CEP83: variants seen among roughly 807,000 people sequenced by gnomAD.
CEP83 encodes centrosomal protein 83, also known as centrosomal protein of 83 kDa.
A neutral mutation model predicts 101.9 loss-of-function variants in CEP83; 70 were observed. The ratio of observed to expected loss-of-function variants is 0.69; its 90% CI spans 0.57 to 0.84. The LOEUF (loss-of-function observed/expected upper bound fraction) is 0.84. Ranked by LOEUF, CEP83 falls within the 40% of genes least tolerant of loss-of-function variation. The pLI is 0.00. For synonymous variants in CEP83, 264 were observed against 267.9 expected, an observed-to-expected ratio of 0.99 and a Z score of 0.14; for missense variants, 715 against 787.2, an observed-to-expected ratio of 0.91 and a Z score of 1.10.
At chr12:94,273,979 A>G in the CEP83 span, among the ~76,000 whole-genome samples, 2 of 151,794 alleles carry the variant, frequency 1.3e-5, no homozygotes, top group Non-Finnish European at 2.9e-5. Context: ...CATCCTAGTC[A>G]CAAGATGGCT....
At chr12:94,279,577 G>T in the CEP83 span, 3 of 1,614,214 alleles carry the variant, frequency 1.9e-6, no homozygotes, top group Non-Finnish European at 2.5e-6. Context: ...CCAAGCCAAA[G>T]AAAAGATTTT....
At chr12:94,267,944 T>C in the CEP83 span, among the ~76,000 whole-genome samples, 4 of 152,096 alleles carry the variant, frequency 2.6e-5, no homozygotes, top group Non-Finnish European at 5.9e-5. Flanking sequence ...GTTTATGTAA[T>C]TGAAAACCAA....
chr12:94,288,831 G>A, the CEP83 span, among the ~76,000 whole-genome samples: 34,486 of 152,204 alleles, frequency 0.23, 4,265 homozygotes, highest in Admixed American at 0.28. Context: ...CTGTTTTCAC[G>A]TAATATTGTT....
chr12:94,292,711 T>C, the CEP83 span, among the ~76,000 whole-genome samples: 1 of 152,240 alleles, frequency 6.6e-6, no homozygotes, highest in Non-Finnish European at 1.5e-5. Context: ...GGTAATTTTA[T>C]ATAATTTGTG....
intron 11 of CEP83, among the ~76,000 whole-genome samples, chr12:94,357,911 G>A (rs974049619): frequency 7.2e-5 from 11 of 152,166 alleles, no homozygotes; most frequent in African/African-American, 9.7e-5. Flanking sequence ...GAAATTAAAC[G>A]AACAGGAGGA....
In CEP83 at chr12:94,390,028, T is replaced by C. The variant is rs1009527874; in HGVS notation, c.549+10822A>G. On this transcript the variant is annotated intron_variant, in intron 6 of 16. Transcript: ENST00000397809. ...ACCTACTGCCTCTAGACACCACCTC[T>C]GTGGGTGGGGCATAGCTGAACAAAA... 2.6e-5 allele frequency among the ~76,000 whole-genome samples: 4 copies of C among 152,220 alleles called. No homozygotes were observed. In the South Asian group the frequency reaches 6.2e-4, roughly 24 times the overall value.
At chr12:94,390,045 T>G (rs982932496) in intron 6 of CEP83, among the ~76,000 whole-genome samples, 1 of 152,214 alleles carries the variant, frequency 6.6e-6, no homozygotes, top group African/African-American at 2.4e-5. Flanking sequence ...GGGGCATAGC[T>G]GAACAAAAGG....
chr12:94,298,513 T>C, the CEP83 span: 2 of 832,468 alleles, frequency 2.4e-6, no homozygotes, highest in Non-Finnish European at 3.7e-6. Context: ...TCTCTTCAGT[T>C]TGTTTTTCCC....
At chr12:94,422,578 C>T (rs2064842875) in intron 2 of CEP83, among the ~76,000 whole-genome samples, 1 of 152,166 alleles carries the variant, frequency 6.6e-6, no homozygotes, top group African/African-American at 2.4e-5. Context: ...AGATATAAAA[C>T]AGTCCCATCA....
chr12:94,355,553 G>A (rs922820696), intron 11 of CEP83, among the ~76,000 whole-genome samples: 7 of 152,166 alleles, frequency 4.6e-5, no homozygotes, highest in South Asian at 2.1e-4. Context: ...GAACTAAAAC[G>A]TAAAAATCAG....
chr12:94,329,469 T>C (rs2059116412), intron 14 of CEP83, among the ~76,000 whole-genome samples: 1 of 152,160 alleles, frequency 6.6e-6, no homozygotes. Context: ...GGCTATATTT[T>C]GTAGATTTTT....
Position 94,333,544 on chromosome 12 carries a change from T to A in CEP83, c.1515A>T (p.Arg505Ser), listed in dbSNP as rs761918024. The A allele has an allele frequency of 6.2e-7, 1 of 1,613,860 alleles. No homozygotes were observed. The highest frequency in any genetic ancestry group is 1.1e-5 in the South Asian group (1 of 91,010). The change falls in exon 13 of 17, where the codon AGA becomes AGT. Residue 505 changes from arginine (R) to serine (S), a missense_variant. Physicochemically the swap from Arg to Ser is moderately radical, Grantham distance 110. Transcript: ENST00000397809. ...TAAAATTTCGGCATTCTTGTTTTAATCTCTCCACCATTTCCTTCAGCATTT... is the reference window on the plus strand; with the variant it reads ...TAAAATTTCGGCATTCTTGTTTTAAACTCTCCACCATTTCCTTCAGCATTT... ...SNQMLKEMVE[R>S]LKQECRNFRS...
At chr12:94,448,558 T>TA (rs986910610) in intron 1 of CEP83, among the ~76,000 whole-genome samples, 39 of 152,240 alleles carry the variant, frequency 2.6e-4, no homozygotes, top group African/African-American at 9.1e-4. Flanking sequence ...CAATAAAATT[T>TA]AAAAGATTGA....
chr12:94,384,651 G>GT (rs899336253), intron 6 of CEP83, among the ~76,000 whole-genome samples: 2 of 152,142 alleles, frequency 1.3e-5, no homozygotes, highest in African/African-American at 4.8e-5. Flanking sequence ...AAGCTCAGTA[G>GT]TTTTTTCCTC....
intron 12 of CEP83, among the ~76,000 whole-genome samples, chr12:94,335,059 C>G (rs2059394045): frequency 6.6e-6 from 1 of 151,924 alleles, no homozygotes; most frequent in South Asian, 2.1e-4. Context: ...AAAAAAACAA[C>G]AACAAAAAAG....
At chr12:94,449,779 T>TAAAAAAAA (rs71071787) in intron 1 of CEP83, among the ~76,000 whole-genome samples, 14 of 48,568 alleles carry the variant, frequency 2.9e-4, no homozygotes, top group African/African-American at 6.5e-4. Context: ...TCTCAAACAA[T>TAAAAAAAA]AAAAAAAAAA....
intron 11 of CEP83, among the ~76,000 whole-genome samples, chr12:94,366,840 A>G (rs1192440709): frequency 1.3e-5 from 2 of 152,118 alleles, no homozygotes; most frequent in Non-Finnish European, 2.9e-5. Context: ...ACATCCTGTA[A>G]TGACAGAAAA....
intron 2 of CEP83, among the ~76,000 whole-genome samples, chr12:94,431,143 C>T (rs1319216294): frequency 1.3e-5 from 2 of 152,074 alleles, no homozygotes; most frequent in Non-Finnish European, 2.9e-5. Flanking sequence ...GAAAGAAATC[C>T]ACAAATAGCC....
chr12:94,301,952 T>C (rs1006004603), downstream of CEP83, among the ~76,000 whole-genome samples: 6 of 152,120 alleles, frequency 3.9e-5, no homozygotes, highest in African/African-American at 1.4e-4. Flanking sequence ...CCCTCCTCCT[T>C]CCTTAGCCTT....
Sources: gnomAD v4.1 joint callset for allele counts (sites outside exome capture counted in the v4.1 genomes callset) on GRCh38, gnomAD v4.1.1 for gene constraint, MANE v1.5 for transcripts, NCBI Gene and HGNC (gene_info 2026-07-23, HGNC 2026-07-21) for gene names.